The following KLF12 variants were observed in gnomAD, a reference collection of about 807,000 sequenced individuals.
KLF12 encodes KLF transcription factor 12.
A neutral mutation model predicts 37.8 loss-of-function variants in KLF12; 9 were observed. The ratio of observed to expected loss-of-function variants is 0.24; its 90% CI spans 0.14 to 0.42. The LOEUF (loss-of-function observed/expected upper bound fraction) is 0.42, where lower values mean the gene tolerates loss of function less well. KLF12 is among the 10% of genes least tolerant of loss of function. KLF12 has a pLI of 1.00. For synonymous variants in KLF12, 208 were observed against 202.1 expected (o/e 1.03, Z -0.25); for missense variants, 411 against 516.0 (o/e 0.80, Z 1.97).
chr13:73,950,592 G>T (rs1890608466), intron 2 of KLF12, among the ~76,000 whole-genome samples: 1 of 152,122 alleles, frequency 6.6e-6, no homozygotes, highest in Non-Finnish European at 1.5e-5. Context: ...CATTCCATCT[G>T]CACCACAGTC....
At chr13:74,023,900 G>C (rs1412568855) in intron 1 of KLF12, among the ~76,000 whole-genome samples, 1 of 152,094 alleles carries the variant, frequency 6.6e-6, no homozygotes, top group African/African-American at 2.4e-5. Context: ...GAAGAAAAGG[G>C]GCATGTGAAA....
At chr13:73,900,870 C>T (rs1442439896) in intron 3 of KLF12, among the ~76,000 whole-genome samples, 3 of 152,002 alleles carry the variant, frequency 2.0e-5, no homozygotes, top group South Asian at 4.2e-4. Context: ...TTTGTGGGCC[C>T]GTCTGCTTTA....
At chr13:73,945,206 C>T (rs149497179) in intron 2 of KLF12, among the ~76,000 whole-genome samples, 2 of 152,196 alleles carry the variant, frequency 1.3e-5, no homozygotes, top group African/African-American at 4.8e-5. Context: ...CAGTGGCTCA[C>T]GCCTGTAACC....
chr13:74,113,012 T>C (rs1877071834), intron 1 of KLF12, among the ~76,000 whole-genome samples: 1 of 152,172 alleles, frequency 6.6e-6, no homozygotes, highest in Non-Finnish European at 1.5e-5. Flanking sequence ...GTGGTCTGGA[T>C]AGAAGCTCAA....
At chr13:74,065,004 T>G (rs577144459) in intron 1 of KLF12, among the ~76,000 whole-genome samples, 1 of 152,292 alleles carries the variant, frequency 6.6e-6, no homozygotes, top group Non-Finnish European at 1.5e-5. Flanking sequence ...TACACATACT[T>G]GTCTGCCCAA....
intron 6 of KLF12, among the ~76,000 whole-genome samples, chr13:73,730,256 T>C (rs1030275504): frequency 1.3e-5 from 2 of 152,182 alleles, no homozygotes; most frequent in African/African-American, 4.8e-5. Flanking sequence ...TGGGGAGCTC[T>C]CAGCTCTCTT....
At chr13:73,802,659 C>T (rs1172647211) in intron 5 of KLF12, among the ~76,000 whole-genome samples, 1 of 152,050 alleles carries the variant, frequency 6.6e-6, no homozygotes, top group African/African-American at 2.4e-5. Flanking sequence ...TCTACTGTTG[C>T]CATCTTTATG....
chr13:74,072,498 G>A (rs1874331036), intron 1 of KLF12, among the ~76,000 whole-genome samples: 1 of 150,436 alleles, frequency 6.6e-6, no homozygotes, highest in Admixed American at 6.6e-5. Context: ...AGTACTTTGG[G>A]AGACCAAGGC....
In KLF12 at chr13:73,848,713, TA is replaced by T. The variant is rs1566414546; in HGVS notation, c.124-2341del. Among the ~76,000 whole-genome samples the T allele has an allele frequency of 2.6e-5, 4 of 151,936 alleles. No homozygotes were observed. The East Asian group carries it at 7.7e-4, about 29-fold the overall frequency. On this transcript the variant is annotated intron_variant, in intron 3 of 7. Coordinates refer to ENST00000377669, the MANE Select transcript of KLF12 (RefSeq NM_007249.5). The stretch of plus-strand genomic sequence containing the variant: ...TAGGTACTTTGAGACACTTAAGAAT[TA>T]CATGGCTTTTGCATGAGCTCAAACC...
chr13:74,147,701 C>CT, the KLF12 span, among the ~76,000 whole-genome samples: 1 of 152,058 alleles, frequency 6.6e-6, no homozygotes, highest in Non-Finnish European at 1.5e-5. Flanking sequence ...ATGCTTGCTT[C>CT]TTTTTTCCCT....
intron 1 of KLF12, among the ~76,000 whole-genome samples, chr13:74,084,078 C>T (rs1221228981): frequency 6.6e-6 from 1 of 151,992 alleles, no homozygotes; most frequent in Non-Finnish European, 1.5e-5. Flanking sequence ...TTAATGTTAC[C>T]GAACAAGTAC....
At chr13:74,258,019 C>G in the KLF12 span, 1 of 151,976 alleles carries the variant, frequency 6.6e-6, no homozygotes, top group Non-Finnish European at 1.5e-5. Flanking sequence ...CTTCTATTAT[C>G]TTTCAATCCA....
intron 3 of KLF12, among the ~76,000 whole-genome samples, chr13:73,861,707 T>C (rs749926343): frequency 6.6e-6 from 1 of 152,196 alleles, no homozygotes; most frequent in Non-Finnish European, 1.5e-5. Context: ...GTTTTCCTCA[T>C]TTTTCCTTCT....
chr13:74,020,110 T>C (rs973068713), intron 1 of KLF12, among the ~76,000 whole-genome samples: 1 of 152,248 alleles, frequency 6.6e-6, no homozygotes, highest in Admixed American at 6.5e-5. Context: ...GTCTCATATT[T>C]ATATTCACTA....
chr13:73,767,215 C>G (rs953836793), intron 5 of KLF12, among the ~76,000 whole-genome samples: 1 of 152,178 alleles, frequency 6.6e-6, no homozygotes, highest in African/African-American at 2.4e-5. Context: ...ACCTGTGACA[C>G]TTTTTGCCAT....
intron 1 of KLF12, among the ~76,000 whole-genome samples, chr13:74,051,513 A>T (rs1276600624): frequency 6.6e-6 from 1 of 152,140 alleles, no homozygotes; most frequent in East Asian, 1.9e-4. Context: ...GGGAATGAAG[A>T]TAAAGAAAGT....
intron 5 of KLF12, among the ~76,000 whole-genome samples, chr13:73,776,672 G>C (rs1880627890): frequency 6.6e-6 from 1 of 152,152 alleles, no homozygotes; most frequent in Non-Finnish European, 1.5e-5. Context: ...GCTTCATGCA[G>C]GACAAGCCAA....
At chr13:73,783,547 T>C (rs963521756) in intron 5 of KLF12, among the ~76,000 whole-genome samples, 2 of 152,128 alleles carry the variant, frequency 1.3e-5, no homozygotes, top group African/African-American at 2.4e-5. Flanking sequence ...CCTGATTGGA[T>C]CATTATGCCC....
chr13:73,758,364 A>G (rs1420524116), intron 6 of KLF12, among the ~76,000 whole-genome samples: 1 of 152,232 alleles, frequency 6.6e-6, no homozygotes, highest in African/African-American at 2.4e-5. Context: ...CCTCTGCTGT[A>G]TAAAACCACT....
Sources: gnomAD v4.1 joint callset for allele counts (sites outside exome capture counted in the v4.1 genomes callset) on GRCh38, gnomAD v4.1.1 for gene constraint, MANE v1.5 for transcripts, NCBI Gene and HGNC (gene_info 2026-07-23, HGNC 2026-07-21) for gene names.